NRG1: variants seen among roughly 807,000 people sequenced by gnomAD.
NRG1 encodes the protein pro-neuregulin-1, membrane-bound isoform.
A neutral mutation model predicts 63.8 loss-of-function variants in NRG1; 18 were observed. That is an observed-to-expected ratio of 0.28 (90% CI 0.19 to 0.42). The LOEUF (loss-of-function observed/expected upper bound fraction) is 0.42. Ranked by LOEUF, NRG1 falls within the 10% of genes least tolerant of loss-of-function variation. NRG1 has a pLI of 1.00. For missense variants in NRG1, 762 were observed against 814.7 expected (o/e 0.94, Z 0.79); for synonymous variants, 302 against 301.3 (o/e 1.00, Z -0.02).
chr8:32,636,698 A>G (rs1392829783), intron 5 of NRG1, among the ~76,000 whole-genome samples: 7 of 152,214 alleles, frequency 4.6e-5, no homozygotes, highest in Admixed American at 4.6e-4. Flanking sequence ...CTCAATAAAA[A>G]AATGGTATTG....
rs144392280 is a variant in NRG1 at position 31,969,098 on chromosome 8, CATA to C, written c.37+329670_37+329672del. 6.4e-3 allele frequency among the ~76,000 whole-genome samples: 967 copies of C among 152,226 alleles called. 13 individuals are homozygous for C. Among genetic ancestry groups the C allele is most frequent in the African/African-American group, 0.022 (905 of 41,542 alleles). On this transcript the variant is annotated intron_variant, in intron 1 of 10. Coordinates refer to the NRG1 transcript ENST00000519301. ...TTATAATTCCTGTGTAGTGAGATGCCATAATGACTTTTCCAGGAGTTTCCACAT... is the reference window on the plus strand; with the variant it reads ...TTATAATTCCTGTGTAGTGAGATGCCATGACTTTTCCAGGAGTTTCCACAT...
chr8:32,647,323 G>A, intron 5 of NRG1: 1 of 985,384 alleles, frequency 1.0e-6, no homozygotes, highest in Non-Finnish European at 1.2e-6. Context: ...CTTCATCTGA[G>A]CAGACACCAG....
intron 1 of NRG1, among the ~76,000 whole-genome samples, chr8:32,167,130 T>A (rs1010142333): frequency 1.3e-5 from 2 of 152,166 alleles, no homozygotes; most frequent in Non-Finnish European, 2.9e-5. Flanking sequence ...TGTTATATAA[T>A]AAGGAGCTAA....
chr8:32,243,872 TG>T (rs1167293965), intron 1 of NRG1, among the ~76,000 whole-genome samples: 1 of 152,162 alleles, frequency 6.6e-6, no homozygotes, highest in Non-Finnish European at 1.5e-5. Flanking sequence ...CAACAGGGAA[TG>T]GCCATCCACA....
At position 31,647,885 on chromosome 8, in the gene NRG1, G is replaced by A. The variant is rs924901961; in HGVS notation, c.37+8454G>A. 1.1e-4 allele frequency among the ~76,000 whole-genome samples: 17 copies of A among 152,126 alleles called. No homozygotes were observed. In the East Asian group the frequency reaches 2.7e-3, roughly 24 times the overall value. ...GCATTTTGGAATATAGTTTTATTCC[G>A]ATGAGCAGTTTAGAAAAATTTATGG... On this transcript the variant is annotated intron_variant, in intron 1 of 10. Coordinates refer to the NRG1 transcript ENST00000519301.
chr8:32,395,645 C>A (rs1399549264), intron 1 of NRG1, among the ~76,000 whole-genome samples: 1 of 150,732 alleles, frequency 6.6e-6, no homozygotes, highest in Non-Finnish European at 1.5e-5. Flanking sequence ...ACATTTTTAA[C>A]CAGATATGTA....
At chr8:32,231,331 T>A (rs921891886) in intron 1 of NRG1, among the ~76,000 whole-genome samples, 8 of 152,318 alleles carry the variant, frequency 5.3e-5, no homozygotes, top group African/African-American at 1.9e-4. Flanking sequence ...TAAATTTATA[T>A]ATTTTATAGA....
chr8:32,094,981 G>A (rs189356737), intron 1 of NRG1, among the ~76,000 whole-genome samples: 60 of 149,664 alleles, frequency 4.0e-4, no homozygotes, highest in Non-Finnish European at 6.4e-4. Context: ...GCGTGATCTC[G>A]GCTCACTGCA....
intron 1 of NRG1, among the ~76,000 whole-genome samples, chr8:31,990,525 A>G (rs1286813924): frequency 2.0e-5 from 3 of 152,122 alleles, no homozygotes; most frequent in East Asian, 1.9e-4. Flanking sequence ...TAGTTGCAGC[A>G]TAGTCACACT....
At chr8:32,169,590 G>A (rs1488139843) in intron 1 of NRG1, among the ~76,000 whole-genome samples, 1 of 152,128 alleles carries the variant, frequency 6.6e-6, no homozygotes, top group East Asian at 1.9e-4. Context: ...GATCGGTTGT[G>A]GTTAGTAAAT....
At position 32,660,187 on chromosome 8, in the gene NRG1, G is replaced by A. The variant is rs78816046; in HGVS notation, c.502+43302G>A. Among the ~76,000 whole-genome samples the A allele has an allele frequency of 6.0e-3, 918 of 152,274 alleles. 47 individuals carry two copies. In the East Asian group the frequency reaches 0.13, roughly 22 times the overall value. On this transcript the variant is annotated intron_variant, in intron 5 of 11. Coordinates refer to ENST00000356819, the Ensembl canonical transcript of NRG1. ...ACCATGATGTTCAATGGAAATGCTC[G>A]TTGGAACATTTTAGATTTTGGATTT...
chr8:32,252,440 A>T (rs923135578), intron 1 of NRG1, among the ~76,000 whole-genome samples: 6 of 152,152 alleles, frequency 3.9e-5, no homozygotes, highest in Admixed American at 2.6e-4. Flanking sequence ...AACACCATTT[A>T]TTAAATAGGG....
intron 1 of NRG1, among the ~76,000 whole-genome samples, chr8:31,995,215 C>T (rs1238259461): frequency 6.6e-6 from 1 of 151,932 alleles, no homozygotes; most frequent in Non-Finnish European, 1.5e-5. Flanking sequence ...AATCTCTTCT[C>T]CCCTCTGCCC....
chr8:32,160,799 C>G (rs940601518), intron 1 of NRG1, among the ~76,000 whole-genome samples: 1 of 152,016 alleles, frequency 6.6e-6, no homozygotes, highest in Non-Finnish European at 1.5e-5. Context: ...GACTTTTATC[C>G]CCCTGATTTT....
At chr8:32,205,484 C>T (rs569805716) in intron 1 of NRG1, among the ~76,000 whole-genome samples, 13 of 152,126 alleles carry the variant, frequency 8.5e-5, no homozygotes, top group African/African-American at 1.7e-4. Context: ...AGAAATAAAA[C>T]GCAGGTGTGT....
chr8:32,566,530 C>A (rs936653290), intron 1 of NRG1, among the ~76,000 whole-genome samples: 4 of 152,200 alleles, frequency 2.6e-5, no homozygotes, highest in African/African-American at 7.2e-5. Context: ...CCAGGATGAG[C>A]AAATGCACTT....
In NRG1 at chr8:32,173,063, G is replaced by T. The variant is rs533507095; in HGVS notation, c.38-422765G>T. 3.3e-5 allele frequency among the ~76,000 whole-genome samples: 5 copies of T among 152,134 alleles called. No homozygotes were observed. In the East Asian group the frequency reaches 9.7e-4, roughly 29 times the overall value. ...CAGATTCACCAAAGTTGAAATGAAG[G>T]AAAAAATGTTAAGGGCAGCCAGAGA... On this transcript the variant is annotated intron_variant, in intron 1 of 10. Coordinates refer to the NRG1 transcript ENST00000519301.
chr8:31,829,353 A>G (rs1198660043), intron 1 of NRG1, among the ~76,000 whole-genome samples: 1 of 152,242 alleles, frequency 6.6e-6, no homozygotes, highest in Non-Finnish European at 1.5e-5. Flanking sequence ...ATTGGTGTTC[A>G]ATAAACATGG....
At chr8:31,758,441 G>A (rs531015406) in intron 1 of NRG1, among the ~76,000 whole-genome samples, 6 of 152,124 alleles carry the variant, frequency 3.9e-5, no homozygotes, top group South Asian at 4.1e-4. Flanking sequence ...CACTCTTCAC[G>A]ATAGCAAAGA....
Sources: allele counts gnomAD v4.1 joint callset (sites outside exome capture counted in the v4.1 genomes callset), GRCh38; gene constraint gnomAD v4.1.1; transcripts MANE v1.5; gene names NCBI Gene and HGNC (gene_info 2026-07-23, HGNC 2026-07-21).